LDLRAD4: variants seen among roughly 807,000 people sequenced by gnomAD.
LDLRAD4 encodes low density lipoprotein receptor class A domain containing 4.
Under a neutral mutation model 17.0 loss-of-function variants are expected in LDLRAD4, and 5 were observed. The ratio of observed to expected loss-of-function variants is 0.29; its 90% CI spans 0.15 to 0.62. The LOEUF (loss-of-function observed/expected upper bound fraction) is 0.62. Among genes scored for constraint, LDLRAD4 ranks in the 20% least tolerant of loss-of-function variants. The pLI, the probability that LDLRAD4 is intolerant of heterozygous loss-of-function variation, is 0.84. For synonymous variants in LDLRAD4, 168 were observed against 171.8 expected (o/e 0.98, Z 0.17); for missense variants, 340 against 424.7 (o/e 0.80, Z 1.75).
intron 1 of LDLRAD4, among the ~76,000 whole-genome samples, chr18:13,290,159 C>T (rs1391011166): frequency 6.6e-6 from 1 of 152,190 alleles, no homozygotes; most frequent in Non-Finnish European, 1.5e-5. Flanking sequence ...CATTCTTCCC[C>T]CTGGTTATTG....
chr18:13,617,134 C>T lies in LDLRAD4; in HGVS notation c.182-3983C>T, dbSNP rs1023412300. Among the ~76,000 whole-genome samples the T allele has an allele frequency of 6.6e-5, 10 of 151,008 alleles. No homozygotes were observed. The South Asian group carries it at 1.3e-3, about 19-fold the overall frequency. On this transcript the variant is annotated intron_variant, in intron 3 of 5. Transcript: ENST00000359446. ...TTTTTTTTTTTAAGAGACAGGGTCTCGCTATATTGCCCAGGCTGATCTTGA... is the reference window on the plus strand; with the variant it reads ...TTTTTTTTTTTAAGAGACAGGGTCTTGCTATATTGCCCAGGCTGATCTTGA...
intron 2 of LDLRAD4, among the ~76,000 whole-genome samples, chr18:13,414,404 T>C (rs2088674686): frequency 6.6e-6 from 1 of 152,234 alleles, no homozygotes; most frequent in Non-Finnish European, 1.5e-5. Context: ...AGTTGGCATC[T>C]CTATTGTCAC....
chr18:13,346,726 G>A (rs2082713718), intron 1 of LDLRAD4, among the ~76,000 whole-genome samples: 2 of 152,124 alleles, frequency 1.3e-5, no homozygotes, highest in Admixed American at 1.3e-4. Context: ...CTCTTTGTAG[G>A]TCTCTAAGGA....
intron 1 of LDLRAD4, among the ~76,000 whole-genome samples, chr18:13,317,953 C>G (rs2081016825): frequency 1.3e-5 from 2 of 152,158 alleles, no homozygotes; most frequent in South Asian, 4.1e-4. Context: ...TTCTTTTAAT[C>G]TTTATCAGTG....
At chr18:13,461,829 C>G (rs1005580481) in intron 3 of LDLRAD4, among the ~76,000 whole-genome samples, 1 of 152,198 alleles carries the variant, frequency 6.6e-6, no homozygotes, top group African/African-American at 2.4e-5. Flanking sequence ...TACTCCTATG[C>G]AAGACTTGGC....
At chr18:13,231,613 C>T (rs1367917350) in intron 1 of LDLRAD4, among the ~76,000 whole-genome samples, 1 of 152,242 alleles carries the variant, frequency 6.6e-6, no homozygotes, top group Non-Finnish European at 1.5e-5. Context: ...TATTTGTTTA[C>T]ATTTCACAAA....
intron 1 of LDLRAD4, among the ~76,000 whole-genome samples, chr18:13,221,652 C>G (rs1598728720): frequency 6.6e-6 from 1 of 152,126 alleles, no homozygotes; most frequent in African/African-American, 2.4e-5. Context: ...TTTGAATTTT[C>G]AGTTAATGTC....
At chr18:13,425,199 C>T (rs1600172050) in intron 2 of LDLRAD4, among the ~76,000 whole-genome samples, 1 of 152,012 alleles carries the variant, frequency 6.6e-6, no homozygotes, top group East Asian at 1.9e-4. Flanking sequence ...TTTGTTTTTG[C>T]TTCATTTAAA....
At chr18:13,528,292 C>G (rs2094067182) in intron 3 of LDLRAD4, among the ~76,000 whole-genome samples, 3 of 152,224 alleles carry the variant, frequency 2.0e-5, no homozygotes, top group African/African-American at 7.2e-5. Context: ...TGTTAGTCCT[C>G]ACAGCAGAAT....
At chr18:13,391,369 AG>A (rs1274522663) in intron 2 of LDLRAD4, among the ~76,000 whole-genome samples, 1 of 152,042 alleles carries the variant, frequency 6.6e-6, no homozygotes, top group Non-Finnish European at 1.5e-5. Flanking sequence ...AGTACCATGA[AG>A]GGGGTGGGAG....
Position 13,642,573 on chromosome 18 carries a change from C to T in LDLRAD4, c.337-786C>T, listed in dbSNP as rs1367972304. ...TGGAGAAGACACTCGCTGGAGGATCCTGAGCCCAGGCTCGGAAAGGGCCGT... is the reference window on the plus strand; with the variant it reads ...TGGAGAAGACACTCGCTGGAGGATCTTGAGCCCAGGCTCGGAAAGGGCCGT... On this transcript the variant is annotated intron_variant, in intron 4 of 5. Coordinates refer to ENST00000359446, the Ensembl canonical transcript of LDLRAD4. 6.5e-6 allele frequency: 8 copies of T among 1,228,542 alleles called. No homozygotes were observed. In the East Asian group the frequency reaches 2.5e-4, roughly 39 times the overall value. The allele number at this position is 1,228,542 out of a possible 1,614,324, so 76.1% of individuals were successfully genotyped here.
intron 3 of LDLRAD4, among the ~76,000 whole-genome samples, chr18:13,592,688 G>A (rs943847200): frequency 1.3e-5 from 2 of 152,172 alleles, no homozygotes; most frequent in East Asian, 1.9e-4. Flanking sequence ...TATCCAAGGA[G>A]GGATAATCAA....
At chr18:13,322,533 C>T (rs2081312799) in intron 1 of LDLRAD4, among the ~76,000 whole-genome samples, 1 of 152,116 alleles carries the variant, frequency 6.6e-6, no homozygotes, top group Non-Finnish European at 1.5e-5. Context: ...CTCCTGACCT[C>T]AGGTGATCCA....
intron 2 of LDLRAD4, among the ~76,000 whole-genome samples, chr18:13,428,054 G>A (rs1261084348): frequency 6.6e-6 from 1 of 152,110 alleles, no homozygotes. Context: ...CACACTCTGG[G>A]GACTCATTAG....
chr18:13,453,756 G>T (rs2091970478), intron 3 of LDLRAD4, among the ~76,000 whole-genome samples: 1 of 152,202 alleles, frequency 6.6e-6, no homozygotes. Context: ...AGGGCGCCCG[G>T]TGCTCCACCT....
chr18:13,349,320 A>G (rs1467160070), intron 1 of LDLRAD4, among the ~76,000 whole-genome samples: 2 of 152,140 alleles, frequency 1.3e-5, no homozygotes, highest in African/African-American at 4.8e-5. Context: ...GTCATAGATT[A>G]TGTCTTTGTA....
chr18:13,471,265 G>A (rs1364194249), intron 3 of LDLRAD4: 2 of 152,240 alleles, frequency 1.3e-5, no homozygotes, highest in African/African-American at 4.8e-5. Context: ...CTGAGGCTGT[G>A]TGTAGATCAC....
intron 1 of LDLRAD4, among the ~76,000 whole-genome samples, chr18:13,318,021 G>T (rs2081021095): frequency 1.3e-5 from 2 of 152,110 alleles, no homozygotes; most frequent in Admixed American, 6.5e-5. Flanking sequence ...ATCTGGAATA[G>T]AATTTTCTGC....
rs576410662 is a variant in LDLRAD4 at position 13,645,318 on chromosome 18, T to C, written c.582T>C (p.Pro194=). ...CCTGCACCCTGCAGCTCCGGGACCC[T>C]GAACAGCAGATGGAACTCAACCGAG... Residue 194 remains proline, a synonymous_variant, in exon 6 of 6, where the codon CCT becomes CCC. Transcript: ENST00000359446. The surrounding 1 kb of genome is among the most constrained non-coding windows in gnomAD (Gnocchi z 5.7). 6 of 1,614,216 alleles carry C rather than the reference T, an allele frequency of 3.7e-6. No individual in the cohort carries two copies. In the South Asian group the frequency reaches 4.4e-5, roughly 12 times the overall value.
Sources: gnomAD v4.1 joint callset for allele counts (sites outside exome capture counted in the v4.1 genomes callset) on GRCh38, gnomAD v4.1.1 for gene constraint, Gnocchi (gnomAD v3.1) non-coding constraint, MANE v1.5 for transcripts, NCBI Gene and HGNC (gene_info 2026-07-23, HGNC 2026-07-21) for gene names.